PTPRD: variants seen among roughly 807,000 people sequenced by gnomAD.
PTPRD encodes receptor-type tyrosine-protein phosphatase delta.
PTPRD carries 34 observed loss-of-function variants against 214.5 expected under a neutral mutation model. That is an observed-to-expected ratio of 0.16 (90% CI 0.12 to 0.21). The LOEUF (loss-of-function observed/expected upper bound fraction) is 0.21, where lower values mean the gene tolerates loss of function less well. Among genes scored for constraint, PTPRD ranks in the 10% least tolerant of loss-of-function variants. The pLI is 1.00. For missense variants in PTPRD, 2,545 were observed against 2,398.7 expected, an observed-to-expected ratio of 1.06 and a Z score of -1.27; for synonymous variants, 1,128 against 845.7, an observed-to-expected ratio of 1.33 and a Z score of -5.79.
intron 2 of PTPRD, among the ~76,000 whole-genome samples, chr9:10,597,743 G>T (rs1203727274): frequency 6.6e-6 from 1 of 151,738 alleles, no homozygotes; most frequent in Admixed American, 6.6e-5. Flanking sequence ...CTACACTTCA[G>T]AATTAATTGA....
intron 9 of PTPRD, among the ~76,000 whole-genome samples, chr9:9,381,047 C>T (rs553600384): frequency 1.5e-3 from 223 of 152,002 alleles, no homozygotes; most frequent in Non-Finnish European, 2.4e-3. Context: ...TTTTTCTTCA[C>T]TCATTTATTT....
intron 5 of PTPRD, among the ~76,000 whole-genome samples, chr9:9,894,491 T>C (rs1461339355): frequency 3.3e-5 from 5 of 152,000 alleles, no homozygotes; most frequent in African/African-American, 1.2e-4. Flanking sequence ...TCCTGCCAGT[T>C]TTCCTTTTCC....
chr9:9,533,772 TTAA>T (rs1392160983), intron 8 of PTPRD, among the ~76,000 whole-genome samples: 2 of 152,086 alleles, frequency 1.3e-5, no homozygotes, highest in African/African-American at 2.4e-5. Flanking sequence ...GATATTTGTC[TTAA>T]TAATGATGTA....
chr9:9,480,716 A>T (rs1480784717), intron 8 of PTPRD, among the ~76,000 whole-genome samples: 1 of 152,182 alleles, frequency 6.6e-6, no homozygotes, highest in Non-Finnish European at 1.5e-5. Context: ...GTGGCCACAG[A>T]AAATTTCCTT....
intron 10 of PTPRD, among the ~76,000 whole-genome samples, chr9:9,094,412 T>C (rs67269565): frequency 0.14 from 21,031 of 152,056 alleles, 1,705 homozygotes; most frequent in East Asian, 0.23. Context: ...AGTGAAATAA[T>C]TCAGGAAAGG....
At chr9:9,798,980 A>G (rs930844224) in intron 5 of PTPRD, among the ~76,000 whole-genome samples, 2 of 152,152 alleles carry the variant, frequency 1.3e-5, no homozygotes, top group African/African-American at 4.8e-5. Context: ...GAAAGTTGGG[A>G]CATTTTTCAC....
chr9:8,895,637 C>T (rs1258682688), intron 11 of PTPRD, among the ~76,000 whole-genome samples: 1 of 152,184 alleles, frequency 6.6e-6, no homozygotes, highest in East Asian at 1.9e-4. Context: ...CCTGCATTCG[C>T]TTTTTAATGC....
chr9:9,565,665 A>G (rs2084289270), intron 8 of PTPRD, among the ~76,000 whole-genome samples: 1 of 151,972 alleles, frequency 6.6e-6, no homozygotes, highest in South Asian at 2.1e-4. Flanking sequence ...TTTATTTTTT[A>G]AATCATTTTT....
chr9:10,264,520 C>T (rs543354462), intron 3 of PTPRD, among the ~76,000 whole-genome samples: 1 of 152,068 alleles, frequency 6.6e-6, no homozygotes, highest in Non-Finnish European at 1.5e-5. Flanking sequence ...GGCCTTTAGT[C>T]CCTTTGTTTT....
intron 2 of PTPRD, among the ~76,000 whole-genome samples, chr9:10,516,489 T>C (rs544062229): frequency 1.9e-4 from 29 of 151,974 alleles, no homozygotes; most frequent in Non-Finnish European, 3.5e-4. Flanking sequence ...ATCAGATATA[T>C]GGTTTGCAAA....
At chr9:9,019,336 GAACGAAAGAAAGA>G (rs2099553117) in intron 10 of PTPRD, among the ~76,000 whole-genome samples, 2 of 18,802 alleles carry the variant, frequency 1.1e-4, no homozygotes, top group Non-Finnish European at 3.2e-4. Context: ...AAGAAAGAAA[GAACGAAAGAAAGA>G]AAGAAAGAAA....
At chr9:9,394,693 T>C (rs1369184707) in intron 9 of PTPRD, among the ~76,000 whole-genome samples, 1 of 152,082 alleles carries the variant, frequency 6.6e-6, no homozygotes, top group Non-Finnish European at 1.5e-5. Flanking sequence ...GCTCTATTGG[T>C]GCATAGAATA....
At chr9:9,887,496 G>T (rs1239216498) in intron 5 of PTPRD, among the ~76,000 whole-genome samples, 1 of 152,138 alleles carries the variant, frequency 6.6e-6, no homozygotes, top group African/African-American at 2.4e-5. Context: ...TTTGGAAGGA[G>T]CATGAAGCAG....
intron 2 of PTPRD, among the ~76,000 whole-genome samples, chr9:10,472,901 G>A (rs912923161): frequency 3.3e-4 from 50 of 151,780 alleles, no homozygotes; most frequent in Non-Finnish European, 6.2e-4. Flanking sequence ...AAAAATTATA[G>A]TATTTAAAAA....
intron 7 of PTPRD, among the ~76,000 whole-genome samples, chr9:9,675,343 A>C (rs2096909082): frequency 6.6e-6 from 1 of 151,860 alleles, no homozygotes; most frequent in Non-Finnish European, 1.5e-5. Context: ...AGAATGCCTA[A>C]AAATTAATCA....
intron 7 of PTPRD, among the ~76,000 whole-genome samples, chr9:9,728,729 C>G (rs913927623): frequency 1.3e-5 from 2 of 152,056 alleles, no homozygotes; most frequent in African/African-American, 4.8e-5. Flanking sequence ...TGGATTGTTG[C>G]TTAATGACAG....
At chr9:8,442,425 C>A (rs975150861) in intron 34 of PTPRD, among the ~76,000 whole-genome samples, 1 of 152,150 alleles carries the variant, frequency 6.6e-6, no homozygotes, top group Non-Finnish European at 1.5e-5. Context: ...TCATTAATAA[C>A]GGTGGTACAT....
chr9:8,759,558 T>C (rs934613889), intron 11 of PTPRD, among the ~76,000 whole-genome samples: 3 of 152,168 alleles, frequency 2.0e-5, no homozygotes, highest in African/African-American at 4.8e-5. Context: ...AATCTTACTC[T>C]GTTCTAGCTC....
At chr9:9,721,837 G>C (rs994373200) in intron 7 of PTPRD, among the ~76,000 whole-genome samples, 2 of 152,058 alleles carry the variant, frequency 1.3e-5, no homozygotes, top group Non-Finnish European at 1.5e-5. Context: ...TCATTTTAGT[G>C]CATTGAAATG....
Sources: allele counts gnomAD v4.1 joint callset (sites outside exome capture counted in the v4.1 genomes callset), GRCh38; gene constraint gnomAD v4.1.1; transcripts MANE v1.5; gene names NCBI Gene and HGNC (gene_info 2026-07-23, HGNC 2026-07-21).